The following NENF variants were observed in gnomAD, a reference collection of about 807,000 sequenced individuals.
NENF encodes the protein neudesin.
NENF carries 6 observed loss-of-function variants against 14.8 expected under a neutral mutation model. That is an observed-to-expected ratio of 0.40 (90% CI 0.22 to 0.80). The LOEUF (loss-of-function observed/expected upper bound fraction) is 0.80, where lower values mean the gene tolerates loss of function less well. NENF is among the 30% of genes least tolerant of loss of function. NENF has a pLI of 0.34. For synonymous variants in NENF, 76 were observed against 95.1 expected, an observed-to-expected ratio of 0.80 and a Z score of 1.17; for missense variants, 184 against 212.7, an observed-to-expected ratio of 0.87 and a Z score of 0.84.
intron 3 of NENF, 45 bp downstream of exon 3, chr1:212,444,487 C>G (rs2275712): frequency 0.28 from 357,681 of 1,260,656 alleles, 58,322 homozygotes; most frequent in Admixed American, 0.31. Context: ...ACCTCCTTGT[C>G]CATGCCTTTT....
intron 1 of NENF, among the ~76,000 whole-genome samples, chr1:212,436,610 G>A (rs146273075): frequency 1.3e-5 from 2 of 152,258 alleles, no homozygotes; most frequent in African/African-American, 4.8e-5. Flanking sequence ...ACCCAGCCTT[G>A]TTAAGGTCTT....
chr1:212,444,283 C>G, intron 2 of NENF, 56 bp from the exon 3 acceptor site: 1 of 1,259,716 alleles, frequency 7.9e-7, no homozygotes, highest in East Asian at 2.5e-5. Flanking sequence ...GTGCAAGCTC[C>G]TGGTTACTCT....
In NENF at chr1:212,444,454, T is replaced by C; in HGVS notation, c.342+12T>C. 3.2e-6 allele frequency: 5 copies of C among 1,563,300 alleles called. No homozygotes were observed. Among genetic ancestry groups the C allele is most frequent in the South Asian group, 2.4e-5 (2 of 84,460 alleles). On this transcript the variant is annotated intron_variant, in intron 3 of 3. Coordinates refer to ENST00000366988, the MANE Select transcript of NENF (RefSeq NM_013349.5). ...TCACCCATGACACTGTGAGCCAGAT[T>C]ATAAGCCTTTGTAAAATCCTCTACC...
In NENF at chr1:212,432,969, G is replaced by T; in HGVS notation, c.26G>T (p.Arg9Leu). The T allele has an allele frequency of 9.7e-7, 1 of 1,034,060 alleles. No homozygotes were observed. The highest frequency in any genetic ancestry group is 1.2e-6 in the Non-Finnish European group (1 of 841,084). The allele number at this position is 1,034,060 out of a possible 1,614,324, so 64.1% of individuals were successfully genotyped here. The change falls in exon 1 of 4, where the codon CGG becomes CTG. Residue 9 changes from arginine to leucine, a missense_variant. Coordinates refer to ENST00000366988, the MANE Select transcript of NENF (RefSeq NM_013349.5). ...ATGGTGGGCCCCGCGCCGCGGCGGC[G>T]GCTGCGGCCGCTGGCAGCGCTGGCC... MVGPAPRR[R>L]LRPLAALALV...
intron 1 of NENF, among the ~76,000 whole-genome samples, chr1:212,434,364 C>T (rs1227244967): frequency 6.6e-6 from 1 of 152,144 alleles, no homozygotes; most frequent in Non-Finnish European, 1.5e-5. Flanking sequence ...CTCACCCTTC[C>T]CTACCCAATA....
At chr1:212,443,670 G>A (rs1444892328) in intron 2 of NENF, among the ~76,000 whole-genome samples, 2 of 152,180 alleles carry the variant, frequency 1.3e-5, no homozygotes, top group Middle Eastern at 3.4e-3. Flanking sequence ...GATTACAGGC[G>A]TGAGTCACCG....
In NENF at chr1:212,433,250, G is replaced by T; in HGVS notation, c.177+130G>T. 1 of 431,292 alleles carries T rather than the reference G, an allele frequency of 2.3e-6. No homozygotes were observed. The highest frequency in any genetic ancestry group is 3.5e-6 in the Non-Finnish European group (1 of 285,936). 26.7% of individuals were successfully genotyped at this position (431,292 alleles called of 1,614,324 possible). ...CGCGCGGCCCGCGGCGGGCGCCCTG[G>T]GCCGGCGGGGGGCCTCCTCTCTCTA... On this transcript the variant is annotated intron_variant, in intron 1 of 3. Coordinates refer to ENST00000366988, the MANE Select transcript of NENF (RefSeq NM_013349.5). The surrounding 1 kb of genome is among the most constrained non-coding windows in gnomAD (Gnocchi z 5.5).
rs556480735 is a variant in NENF, at chr1:212,436,587, C to T, written c.177+3467C>T. Among the ~76,000 whole-genome samples the T allele has an allele frequency of 5.5e-4, 84 of 152,244 alleles. 2 individuals carry two copies. The South Asian group carries it at 0.016, about 29-fold the overall frequency. On this transcript the variant is annotated intron_variant, in intron 1 of 3. Coordinates refer to ENST00000366988, the MANE Select transcript of NENF (RefSeq NM_013349.5). The stretch of plus-strand genomic sequence containing the variant: ...CCTTCCAAAGTACTGGGATTACAGG[C>T]GTAAGCCACTGTACCCAGCCTTGTT...
intron 1 of NENF, among the ~76,000 whole-genome samples, chr1:212,437,080 A>G (rs1423434659): frequency 6.6e-6 from 1 of 152,182 alleles, no homozygotes; most frequent in African/African-American, 2.4e-5. Context: ...ATTTTTTATT[A>G]CCTTATTAAA....
rs1021986235 is a variant in NENF, at chr1:212,433,509, G to A, written c.177+389G>A. Among the ~76,000 whole-genome samples the A allele has an allele frequency of 6.6e-6, 1 of 152,068 alleles. No individual in the cohort carries two copies. Among genetic ancestry groups the A allele is most frequent in the Non-Finnish European group, 1.5e-5 (1 of 67,978 alleles). On this transcript the variant is annotated intron_variant, in intron 1 of 3. Transcript: ENST00000366988. The surrounding 1 kb of genome is among the most constrained non-coding windows in gnomAD (Gnocchi z 5.5). ...TGGGGAGTGGCGGGGGACGGAGGGA[G>A]GGAAGCAGAGCCTGCTCCCTGGGTT...
At chr1:212,437,217 G>A (rs1239038971) in intron 1 of NENF, among the ~76,000 whole-genome samples, 1 of 152,146 alleles carries the variant, frequency 6.6e-6, no homozygotes, top group East Asian at 1.9e-4. Flanking sequence ...AGCTTGATCT[G>A]AAATCACTTG....
chr1:212,441,515 T>A (rs1166178202), intron 1 of NENF, among the ~76,000 whole-genome samples: 3 of 151,888 alleles, frequency 2.0e-5, no homozygotes, highest in Non-Finnish European at 4.4e-5. Context: ...CCGGGCATGG[T>A]GGCTCACGTC....
intron 3 of NENF, among the ~76,000 whole-genome samples, chr1:212,445,223 C>G (rs562308127): frequency 6.6e-6 from 1 of 151,862 alleles, no homozygotes; most frequent in East Asian, 1.9e-4. Context: ...CCACTGTGCT[C>G]CAGCCTGGGC....
chr1:212,446,125 TGCTTACC>T lies in NENF; in HGVS notation c.*120_*126del. ...GCCACCCAGATCTGAATAAAACAGA[TGCTTACC>T]CTGGAAGAGCAAATGCCTCCTGTTG... On this transcript the variant is annotated 3_prime_UTR_variant, in exon 4 of 4. Transcript: ENST00000366988. 1.0e-6 allele frequency: 1 copy of T among 974,348 alleles called. No homozygotes were observed. Among genetic ancestry groups the T allele is most frequent in the Non-Finnish European group, 1.5e-6 (1 of 652,810 alleles). 60.4% of individuals were successfully genotyped at this position (974,348 alleles called of 1,614,324 possible).
At chr1:212,434,027 C>T (rs1336875282) in intron 1 of NENF, among the ~76,000 whole-genome samples, 1 of 152,194 alleles carries the variant, frequency 6.6e-6, no homozygotes, top group African/African-American at 2.4e-5. Flanking sequence ...TCAAAACCCT[C>T]TGGCCTGGTC....
chr1:212,446,087 C>T lies in NENF; in HGVS notation c.*81C>T. 2.8e-6 allele frequency: 4 copies of T among 1,442,646 alleles called. No individual in the cohort carries two copies. The highest frequency in any genetic ancestry group is 3.9e-6 in the Non-Finnish European group (4 of 1,036,646). 89.4% of individuals were successfully genotyped at this position (1,442,646 alleles called of 1,614,324 possible). ...CTGAATCTCCTGCAAAACTGGCTGC[C>T]TGGAGGCCCTGAGCCACCCAGATCT... On this transcript the variant is annotated 3_prime_UTR_variant, in exon 4 of 4. Coordinates refer to ENST00000366988, the MANE Select transcript of NENF (RefSeq NM_013349.5).
At chr1:212,445,241 T>A (rs777213727) in intron 3 of NENF, among the ~76,000 whole-genome samples, 25 of 149,874 alleles carry the variant, frequency 1.7e-4, no homozygotes, top group Non-Finnish European at 3.3e-4. Flanking sequence ...GGCAACAGAG[T>A]GAGACTCCAT....
chr1:212,436,240 A>G (rs1430541580), intron 1 of NENF, among the ~76,000 whole-genome samples: 1 of 151,440 alleles, frequency 6.6e-6, no homozygotes, highest in African/African-American at 2.4e-5. Context: ...GGAAATACAT[A>G]GAGCAGGCTA....
At chr1:212,445,284 A>G (rs529824499) in intron 3 of NENF, among the ~76,000 whole-genome samples, 206 of 152,226 alleles carry the variant, frequency 1.4e-3, no homozygotes, top group African/African-American at 4.7e-3. Flanking sequence ...TTTTAAACCT[A>G]TTCAAGGTCT....
Sources: gnomAD v4.1 joint callset for allele counts (sites outside exome capture counted in the v4.1 genomes callset) on GRCh38, gnomAD v4.1.1 for gene constraint, Gnocchi (gnomAD v3.1) non-coding constraint, MANE v1.5 for transcripts, NCBI Gene and HGNC (gene_info 2026-07-23, HGNC 2026-07-21) for gene names.